The following CPNE1 variants were observed in gnomAD, a reference collection of about 807,000 sequenced individuals.
The protein encoded by CPNE1 is copine 1, also known as copine-1.
A neutral mutation model predicts 63.2 loss-of-function variants in CPNE1; 58 were observed. The ratio of observed to expected loss-of-function variants is 0.92; its 90% CI spans 0.74 to 1.14. The LOEUF (loss-of-function observed/expected upper bound fraction) is 1.14, where lower values mean the gene tolerates loss of function less well. Ranked by LOEUF, CPNE1 falls within the 50% of genes most tolerant of loss-of-function variation. CPNE1 has a pLI of 0.00. For missense variants in CPNE1, 672 were observed against 661.7 expected (o/e 1.02, Z -0.17); for synonymous variants, 237 against 249.0 (o/e 0.95, Z 0.45).
rs763463050 is a variant in CPNE1 at position 35,654,797 on chromosome 20, G to T, written c.-1+9963C>A. On this transcript the variant is annotated intron_variant, in intron 1 of 15. Transcript: ENST00000397443. ...GTGTTCATTGGAGAGGCTGTGCTTG[G>T]AACAGTTGAGCTAAACGTTGGGCTC... 1.2e-5 allele frequency: 19 copies of T among 1,614,074 alleles called. No homozygotes were observed. The Admixed American group carries it at 2.7e-4, about 23-fold the overall frequency.
chr20:35,640,021 A>G (rs1285633350), intron 1 of CPNE1, among the ~76,000 whole-genome samples: 2 of 152,126 alleles, frequency 1.3e-5, no homozygotes, highest in African/African-American at 4.8e-5. Context: ...CACTGATGTG[A>G]GCCCCTAAGG....
chr20:35,659,083 T>C, intron 1 of CPNE1: 1 of 634,902 alleles, frequency 1.6e-6, no homozygotes, highest in East Asian at 2.9e-5. Context: ...CAGGCCACAC[T>C]GTACATTACG....
chr20:35,639,011 A>C lies in CPNE1; in HGVS notation c.1-6088T>G, dbSNP rs2032648716. On this transcript the variant is annotated intron_variant, in intron 1 of 15. Coordinates refer to ENST00000397443, the MANE Select transcript of CPNE1 (RefSeq NM_152925.3). ...GGGAAACGTTCTTAGCATTCTAAGA[A>C]TATGGGTCACAGGAGTGTGTGCATT... 2.6e-5 allele frequency among the ~76,000 whole-genome samples: 4 copies of C among 151,802 alleles called. No individual in the cohort carries two copies. The South Asian group carries it at 8.4e-4, about 32-fold the overall frequency.
intron 15 of CPNE1, 90 bp from the exon 16 acceptor site, chr20:35,626,471 T>C (rs1370536186): frequency 6.3e-7 from 1 of 1,593,536 alleles, no homozygotes; most frequent in Non-Finnish European, 8.6e-7. Context: ...TATCCCAGGC[T>C]TAGAGGAAAA....
intron 1 of CPNE1, among the ~76,000 whole-genome samples, chr20:35,663,836 C>A (rs989141349): frequency 2.0e-5 from 3 of 152,204 alleles, no homozygotes; most frequent in African/African-American, 4.8e-5. Flanking sequence ...GTCCCTCCCA[C>A]CACCCAATTC....
At chr20:35,660,234 G>A (rs946490215) in intron 1 of CPNE1, among the ~76,000 whole-genome samples, 7 of 151,338 alleles carry the variant, frequency 4.6e-5, no homozygotes, top group Non-Finnish European at 8.8e-5. Flanking sequence ...ACAGGGTATC[G>A]CTCTGTCGCC....
intron 1 of CPNE1, among the ~76,000 whole-genome samples, chr20:35,656,838 A>C (rs1374968894): frequency 6.8e-6 from 1 of 146,972 alleles, no homozygotes; most frequent in Non-Finnish European, 1.5e-5. Flanking sequence ...TAAGCCCATA[A>C]AATCAGCTCA....
At chr20:35,649,900 C>T (rs2033385379) in intron 1 of CPNE1, 2 of 152,282 alleles carry the variant, frequency 1.3e-5, no homozygotes, top group African/African-American at 4.8e-5. Context: ...TACAAATGCA[C>T]ACAACTTTGA....
intron 1 of CPNE1, chr20:35,653,238 T>TGCACTGGGCATTCCC (rs764500140): frequency 6.2e-7 from 1 of 1,613,604 alleles, no homozygotes; most frequent in Non-Finnish European, 8.5e-7. Flanking sequence ...TAGGTATTCC[T>TGCACTGGGCATTCCC]GCACTGGGCA....
chr20:35,651,217 T>C (rs1441795892), intron 1 of CPNE1: 1 of 152,228 alleles, frequency 6.6e-6, no homozygotes, highest in Admixed American at 6.5e-5. Flanking sequence ...AGGGAAATCA[T>C]AATTAGAGCC....
intron 1 of CPNE1, among the ~76,000 whole-genome samples, chr20:35,645,744 G>C (rs1388655208): frequency 1.3e-5 from 2 of 152,190 alleles, no homozygotes; most frequent in Admixed American, 6.5e-5. Context: ...ACTTCAGTCA[G>C]AGTTACAGCA....
chr20:35,644,320 A>G (rs1440110244), intron 1 of CPNE1, among the ~76,000 whole-genome samples: 3 of 152,170 alleles, frequency 2.0e-5, no homozygotes, highest in Non-Finnish European at 4.4e-5. Context: ...CAGGACAGGG[A>G]CAGCCCCCAA....
chr20:35,632,472 T>C, intron 3 of CPNE1, 45 bp downstream of exon 3: 1 of 1,607,522 alleles, frequency 6.2e-7, no homozygotes, highest in African/African-American at 1.3e-5. Context: ...CTAGGTTGTC[T>C]CACAGACCTG....
chr20:35,635,105 A>AT (rs1443948821), intron 1 of CPNE1, among the ~76,000 whole-genome samples: 1 of 151,870 alleles, frequency 6.6e-6, no homozygotes, highest in East Asian at 1.9e-4. Flanking sequence ...TCTCTGCATT[A>AT]TATCCACATG....
chr20:35,630,670 A>C, intron 12 of CPNE1, 71 bp downstream of exon 12: 1 of 1,576,438 alleles, frequency 6.3e-7, no homozygotes. Context: ...GTAGCAAGTA[A>C]ATTTACCACA....
At chr20:35,653,427 A>T (rs771923135) in intron 1 of CPNE1, 1 of 1,613,752 alleles carries the variant, frequency 6.2e-7, no homozygotes, top group South Asian at 1.1e-5. Flanking sequence ...TTCCTTGGGC[A>T]GGGGGATTTT....
chr20:35,653,356 C>G, intron 1 of CPNE1: 1 of 1,614,136 alleles, frequency 6.2e-7, no homozygotes, highest in Non-Finnish European at 8.5e-7. Flanking sequence ...ACCGGGCAGT[C>G]CCGCATTGGG....
Position 35,654,773 on chromosome 20 carries a change from T to C in CPNE1, c.-1+9987A>G, listed in dbSNP as rs200060933. 202 of 1,613,896 alleles carry C rather than the reference T, an allele frequency of 1.3e-4. No homozygotes were observed. The highest frequency in any genetic ancestry group is 7.2e-4 in the Admixed American group (43 of 60,000). ...GGAGGAATTGGTGGCGGCGGGACTG[T>C]GTTCATTGGAGAGGCTGTGCTTGGA... is the stretch of plus-strand genomic sequence containing the variant. On this transcript the variant is annotated intron_variant, in intron 1 of 15. Coordinates refer to ENST00000397443, the MANE Select transcript of CPNE1 (RefSeq NM_152925.3).
chr20:35,649,929 T>C (rs2033386986), intron 1 of CPNE1: 1 of 152,496 alleles, frequency 6.6e-6, no homozygotes, highest in Non-Finnish European at 1.5e-5. Context: ...TTACAAATCC[T>C]TCATACCATA....
Sources: gnomAD v4.1 joint callset for allele counts (sites outside exome capture counted in the v4.1 genomes callset) on GRCh38, gnomAD v4.1.1 for gene constraint, MANE v1.5 for transcripts, NCBI Gene and HGNC (gene_info 2026-07-23, HGNC 2026-07-21) for gene names.